Variants in TAF2 observed in about 807,000 individuals in gnomAD.
The protein encoded by TAF2 is transcription initiation factor TFIID subunit 2.
A neutral mutation model predicts 138.5 loss-of-function variants in TAF2; 61 were observed. That is an observed-to-expected ratio of 0.44 (90% CI 0.36 to 0.54). The LOEUF (loss-of-function observed/expected upper bound fraction) is 0.54, where lower values mean the gene tolerates loss of function less well. TAF2 is among the 20% of genes least tolerant of loss of function. The pLI is 0.00. For synonymous variants in TAF2, 475 were observed against 469.9 expected, an observed-to-expected ratio of 1.01 and a Z score of -0.14; for missense variants, 1,090 against 1,427.9, an observed-to-expected ratio of 0.76 and a Z score of 3.81.
chr8:119,789,479 T>G, intron 12 of TAF2, 113 bp downstream of exon 12: 1 of 1,274,776 alleles, frequency 7.8e-7, no homozygotes, highest in East Asian at 2.3e-5. Flanking sequence ...TTTAGAAATA[T>G]AAACAGTTCA....
intron 18 of TAF2, among the ~76,000 whole-genome samples, chr8:119,763,680 A>C (rs941554725): frequency 1.3e-5 from 2 of 152,120 alleles, no homozygotes; most frequent in Non-Finnish European, 2.9e-5. Flanking sequence ...CAGTGAGCCG[A>C]AATTGCACCA....
At chr8:119,746,964 A>T (rs879880495) in intron 22 of TAF2, 30 bp from the exon 23 acceptor site, 20 of 1,601,920 alleles carry the variant, frequency 1.2e-5, no homozygotes, top group Non-Finnish European at 1.5e-5. Flanking sequence ...GAAATGAGTC[A>T]ATATGCACAT....
chr8:119,788,134 T>C (rs1823153917), intron 14 of TAF2, among the ~76,000 whole-genome samples: 1 of 152,106 alleles, frequency 6.6e-6, no homozygotes, highest in Non-Finnish European at 1.5e-5. Flanking sequence ...AAATACCTAA[T>C]GTAGATGACA....
At chr8:119,780,995 T>C in intron 17 of TAF2, 58 bp downstream of exon 17, 1 of 1,515,608 alleles carries the variant, frequency 6.6e-7, no homozygotes. Flanking sequence ...ATTTGAACAG[T>C]CTCCAACTTA....
intron 18 of TAF2, among the ~76,000 whole-genome samples, chr8:119,777,392 T>C (rs769199749): frequency 9.9e-5 from 15 of 152,182 alleles, no homozygotes; most frequent in Admixed American, 6.5e-5. Context: ...CAGACTAATA[T>C]AGAGCAGTTT....
At chr8:119,740,662 C>CAAAAAAAAAAAAAAA (rs773347068) in intron 25 of TAF2, among the ~76,000 whole-genome samples, 2 of 51,512 alleles carry the variant, frequency 3.9e-5, no homozygotes, top group Non-Finnish European at 7.9e-5. Flanking sequence ...GAGACTGTCT[C>CAAAAAAAAAAAAAAA]AAAAAAAAAA....
At chr8:119,735,292 C>G (rs549104369) in intron 25 of TAF2, among the ~76,000 whole-genome samples, 10 of 152,288 alleles carry the variant, frequency 6.6e-5, no homozygotes, top group African/African-American at 1.9e-4. Flanking sequence ...TACCCCGCCC[C>G]CTCTAACAAA....
At chr8:119,812,966 A>G (rs1825200172) in intron 3 of TAF2, among the ~76,000 whole-genome samples, 1 of 152,204 alleles carries the variant, frequency 6.6e-6, no homozygotes, top group Non-Finnish European at 1.5e-5. Flanking sequence ...ATAGATAGCC[A>G]GTAGTGAGAA....
intron 6 of TAF2, among the ~76,000 whole-genome samples, chr8:119,801,543 C>T (rs1428527898): frequency 6.6e-6 from 1 of 151,838 alleles, no homozygotes; most frequent in Non-Finnish European, 1.5e-5. Context: ...ATTCTCCTGC[C>T]TCAGCCTCCC....
At chr8:119,733,161 T>C (rs1818995206) in intron 25 of TAF2, among the ~76,000 whole-genome samples, 1 of 152,168 alleles carries the variant, frequency 6.6e-6, no homozygotes, top group Non-Finnish European at 1.5e-5. Flanking sequence ...ATTTTCTTTG[T>C]GCCATCTGGA....
At chr8:119,738,115 G>A (rs1819353674) in intron 25 of TAF2, among the ~76,000 whole-genome samples, 1 of 150,960 alleles carries the variant, frequency 6.6e-6, no homozygotes, top group Non-Finnish European at 1.5e-5. Flanking sequence ...TATATAGTAT[G>A]TTTTATTTAT....
At chr8:119,811,599 G>A (rs1033125329) in intron 3 of TAF2, among the ~76,000 whole-genome samples, 10 of 151,900 alleles carry the variant, frequency 6.6e-5, no homozygotes, top group African/African-American at 2.2e-4. Flanking sequence ...GAGGTCAGGA[G>A]ATCGAGACCA....
chr8:119,763,620 C>A (rs1489549713), intron 18 of TAF2, among the ~76,000 whole-genome samples: 1 of 151,964 alleles, frequency 6.6e-6, no homozygotes, highest in African/African-American at 2.4e-5. Flanking sequence ...GTCCCAGCTA[C>A]TCGGAAGGCT....
chr8:119,764,767 C>A (rs1821308842), intron 18 of TAF2, among the ~76,000 whole-genome samples: 1 of 151,976 alleles, frequency 6.6e-6, no homozygotes, highest in South Asian at 2.1e-4. Flanking sequence ...AAAAAAAAGA[C>A]ATAATGTATA....
intron 2 of TAF2, among the ~76,000 whole-genome samples, chr8:119,823,425 C>G (rs990691432): frequency 5.9e-5 from 9 of 152,054 alleles, no homozygotes; most frequent in African/African-American, 2.2e-4. Flanking sequence ...TCTCATAAAG[C>G]GAATAAATCT....
chr8:119,756,151 T>G (rs1820688772), intron 21 of TAF2, 36 bp from the exon 22 acceptor site: 3 of 1,471,102 alleles, frequency 2.0e-6, no homozygotes, highest in Non-Finnish European at 2.8e-6. Flanking sequence ...TTTGCTGACC[T>G]TTTACTGACA....
At position 119,751,345 on chromosome 8, in the gene TAF2, G is replaced by A. The variant is rs565757484; in HGVS notation, c.2879-4411C>T. ...AAAATCTAAATTCCTGAGGCCCTTCGCATTTAGATCCTAATCTATCTTTCC... is the reference window on the plus strand; with the variant it reads ...AAAATCTAAATTCCTGAGGCCCTTCACATTTAGATCCTAATCTATCTTTCC... On this transcript the variant is annotated intron_variant, in intron 22 of 25. Transcript: ENST00000378164. Among the ~76,000 whole-genome samples the A allele has an allele frequency of 9.5e-4, 144 of 152,132 alleles. 1 individual carries two copies. Among genetic ancestry groups the A allele is most frequent in the African/African-American group, 3.2e-3 (132 of 41,504 alleles).
At chr8:119,796,405 CAA>C (rs1400870701) in intron 8 of TAF2, among the ~76,000 whole-genome samples, 4 of 152,150 alleles carry the variant, frequency 2.6e-5, no homozygotes, top group East Asian at 3.9e-4. Flanking sequence ...AAAATAATCT[CAA>C]GTTAATAAAA....
intron 17 of TAF2, among the ~76,000 whole-genome samples, chr8:119,779,249 G>GACAC (rs10636618): frequency 0.1 from 15,154 of 147,188 alleles, 856 homozygotes; most frequent in Admixed American, 0.12. Context: ...CACAACCTAA[G>GACAC]ACACACACAC....
Sources: gnomAD v4.1 joint callset for allele counts (sites outside exome capture counted in the v4.1 genomes callset) on GRCh38, gnomAD v4.1.1 for gene constraint, MANE v1.5 for transcripts, NCBI Gene and HGNC (gene_info 2026-07-23, HGNC 2026-07-21) for gene names.